Variants in RARB observed in about 807,000 individuals in gnomAD.
RARB encodes HBV-activated protein.
RARB carries 17 observed loss-of-function variants against 51.9 expected under a neutral mutation model. That is an observed-to-expected ratio of 0.33 (90% CI 0.22 to 0.49). The LOEUF (loss-of-function observed/expected upper bound fraction) is 0.49, where lower values mean the gene tolerates loss of function less well. RARB is among the 20% of genes least tolerant of loss of function. The pLI, the probability that RARB is intolerant of heterozygous loss-of-function variation, is 0.99. For synonymous variants in RARB, 215 were observed against 195.4 expected (o/e 1.10, Z -0.84); for missense variants, 369 against 550.8 (o/e 0.67, Z 3.30).
chr3:25,512,826 T>G (rs1697962213), intron 3 of RARB, among the ~76,000 whole-genome samples: 4 of 152,158 alleles, frequency 2.6e-5, no homozygotes, highest in Non-Finnish European at 5.9e-5. Context: ...CAGGAGCTTT[T>G]GGTGTCTGTG....
intron 5 of RARB, among the ~76,000 whole-genome samples, chr3:25,238,151 C>A (rs889593447): frequency 1.9e-4 from 29 of 151,298 alleles, no homozygotes; most frequent in African/African-American, 5.1e-4. Flanking sequence ...TCCTCCAGCG[C>A]CCCCCCACAC....
At chr3:24,938,321 C>A (rs1219347182) in intron 2 of RARB, among the ~76,000 whole-genome samples, 1 of 152,104 alleles carries the variant, frequency 6.6e-6, no homozygotes, top group East Asian at 1.9e-4. Flanking sequence ...TTTCGTTGTA[C>A]TGTAGTTTGT....
At chr3:25,515,445 G>T (rs1698115107) in intron 3 of RARB, among the ~76,000 whole-genome samples, 1 of 152,074 alleles carries the variant, frequency 6.6e-6, no homozygotes, top group Non-Finnish European at 1.5e-5. Context: ...ATGAGAATAT[G>T]GACCCACCCA....
At chr3:25,360,908 A>C (rs945076801) in intron 5 of RARB, among the ~76,000 whole-genome samples, 2 of 152,144 alleles carry the variant, frequency 1.3e-5, no homozygotes, top group Non-Finnish European at 2.9e-5. Context: ...GCTGCCCTTA[A>C]CATTTTTTCC....
intron 1 of RARB, among the ~76,000 whole-genome samples, chr3:25,447,866 T>C (rs1709016881): frequency 6.6e-6 from 1 of 151,782 alleles, no homozygotes; most frequent in Non-Finnish European, 1.5e-5. Context: ...AGAGGGAAAA[T>C]GGAAGTGAAG....
At chr3:25,140,680 T>C (rs1431855800) in intron 4 of RARB, among the ~76,000 whole-genome samples, 1 of 152,214 alleles carries the variant, frequency 6.6e-6, no homozygotes, top group Non-Finnish European at 1.5e-5. Flanking sequence ...ACTCCAATTT[T>C]GAAAGAAATT....
intron 5 of RARB, among the ~76,000 whole-genome samples, chr3:25,185,634 T>C (rs1575204090): frequency 6.6e-6 from 1 of 152,208 alleles, no homozygotes; most frequent in East Asian, 1.9e-4. Context: ...TTTTTTATAA[T>C]CAGAATGGCT....
chr3:25,106,466 TTGTTTTG>T (rs1559468578), intron 3 of RARB, among the ~76,000 whole-genome samples: 9 of 123,952 alleles, frequency 7.3e-5, no homozygotes, highest in Non-Finnish European at 9.8e-5. Flanking sequence ...TTGTTTTTTT[TTGTTTTG>T]TTTTTTTTTT....
At chr3:24,859,686 C>A (rs946307722) in intron 2 of RARB, among the ~76,000 whole-genome samples, 1 of 152,144 alleles carries the variant, frequency 6.6e-6, no homozygotes, top group Non-Finnish European at 1.5e-5. Flanking sequence ...GTTTTATATA[C>A]TTTGGGGACT....
At chr3:25,513,720 ATTAT>A (rs1157421969) in intron 3 of RARB, among the ~76,000 whole-genome samples, 2 of 148,964 alleles carry the variant, frequency 1.3e-5, no homozygotes, top group African/African-American at 5.1e-5. Flanking sequence ...AAGGTGCACT[ATTAT>A]TTTGTATACC....
chr3:25,217,775 G>T (rs1456883755), intron 5 of RARB, among the ~76,000 whole-genome samples: 1 of 152,180 alleles, frequency 6.6e-6, no homozygotes, highest in African/African-American at 2.4e-5. Flanking sequence ...CTGCTGCAGA[G>T]TAGGCATTCA....
chr3:25,131,130 G>A (rs1449644781), intron 3 of RARB, among the ~76,000 whole-genome samples: 1 of 151,960 alleles, frequency 6.6e-6, no homozygotes, highest in South Asian at 2.1e-4. Context: ...TCAAGGGAAA[G>A]TCACTTGAGA....
intron 1 of RARB, among the ~76,000 whole-genome samples, 154 bp downstream of exon 1, chr3:25,429,042 T>G (rs1388074547): frequency 6.6e-6 from 1 of 152,164 alleles, no homozygotes; most frequent in East Asian, 1.9e-4. Flanking sequence ...TGCATATTGA[T>G]TCCCTTTGCT....
intron 2 of RARB, among the ~76,000 whole-genome samples, chr3:24,981,318 G>A (rs1696666625): frequency 6.6e-6 from 1 of 152,190 alleles, no homozygotes; most frequent in South Asian, 2.1e-4. Context: ...TCAGGCAGGG[G>A]GGCTTAAGTC....
In RARB at chr3:24,835,522, G is replaced by A. The variant is rs553770525; in HGVS notation, c.-459+6119G>A. On this transcript the variant is annotated intron_variant, in intron 1 of 11. Coordinates refer to the RARB transcript ENST00000383772. ...GTGCCAGACTCTGTACTAAAAGTTC[G>A]GCACATGTTATTGCATTTATTACTC... Among the ~76,000 whole-genome samples the A allele has an allele frequency of 2.1e-4, 32 of 152,166 alleles. No individual in the cohort carries two copies. In the South Asian group the frequency reaches 5.4e-3, roughly 26 times the overall value.
rs75110838 is a variant in RARB at position 25,127,553 on chromosome 3, G to A, written c.-327-4608G>A. Among the ~76,000 whole-genome samples the A allele has an allele frequency of 3.5e-3, 526 of 152,028 alleles. 7 individuals carry two copies. The East Asian group carries it at 0.044, about 13-fold the overall frequency. On this transcript the variant is annotated intron_variant, in intron 3 of 11. Transcript: ENST00000383772. ...AGTACCATTTTTTGCATCTGTTTAC[G>A]TGTTCATTTTCTGGCTTCCCACTAC...
chr3:25,053,657 A>G (rs2125300785), intron 2 of RARB, among the ~76,000 whole-genome samples: 1 of 152,290 alleles, frequency 6.6e-6, no homozygotes, highest in South Asian at 2.1e-4. Flanking sequence ...AGGCCAATAA[A>G]TATAGCCCAT....
chr3:25,478,130 CCA>C (rs1696050219), intron 2 of RARB, among the ~76,000 whole-genome samples: 2 of 152,126 alleles, frequency 1.3e-5, no homozygotes, highest in African/African-American at 4.8e-5. Context: ...AAGGTAGGAG[CCA>C]CATGGCCTTT....
intron 5 of RARB, among the ~76,000 whole-genome samples, chr3:25,366,937 C>A: frequency 6.6e-6 from 1 of 151,814 alleles, no homozygotes; most frequent in Admixed American, 6.6e-5. Flanking sequence ...GTGACAGAAT[C>A]CTCAGGATTG....
Sources: allele counts gnomAD v4.1 joint callset (sites outside exome capture counted in the v4.1 genomes callset), GRCh38; gene constraint gnomAD v4.1.1; transcripts MANE v1.5; gene names NCBI Gene and HGNC (gene_info 2026-07-23, HGNC 2026-07-21).